Variants in WDR19 observed in about 807,000 individuals in gnomAD.
WDR19 encodes the protein WD repeat-containing protein 19.
In WDR19, 121 loss-of-function variants were observed where a neutral mutation model predicts 180.0. The observed-to-expected ratio is 0.67, with a 90% confidence interval of 0.58 to 0.78. The LOEUF (loss-of-function observed/expected upper bound fraction) is 0.78, where lower values mean the gene tolerates loss of function less well. Among genes scored for constraint, WDR19 ranks in the 30% least tolerant of loss-of-function variants. The pLI is 0.00. For synonymous variants in WDR19, 497 were observed against 540.7 expected, an observed-to-expected ratio of 0.92 and a Z score of 1.12; for missense variants, 1,450 against 1,640.7, an observed-to-expected ratio of 0.88 and a Z score of 2.01.
chr4:39,261,938 A>AT (rs11374244), intron 28 of WDR19, among the ~76,000 whole-genome samples: 147,920 of 152,082 alleles, frequency 0.97, 72,058 homozygotes, highest in Middle Eastern at 1. Flanking sequence ...TTACTACTGG[A>AT]TTTTTTTTCA....
At chr4:39,212,461 A>G (rs146596972) in intron 9 of WDR19, among the ~76,000 whole-genome samples, 1 of 152,312 alleles carries the variant, frequency 6.6e-6, no homozygotes, top group Non-Finnish European at 1.5e-5. Context: ...GATTTCATCA[A>G]AATTTAAAAC....
At position 39,231,787 on chromosome 4, in the gene WDR19, T is replaced by C; in HGVS notation, c.1983-10T>C. ...AACATTCTGATTAAGCTTATGTTCT[T>C]ACATCCCAGGTTTTCTGATGCTTGG... On this transcript the variant is annotated splice_polypyrimidine_tract_variant and intron_variant, in intron 17 of 36. Transcript: ENST00000399820. 1 of 1,573,622 alleles carries C rather than the reference T, an allele frequency of 6.4e-7. No homozygotes were observed. Among genetic ancestry groups the C allele is most frequent in the South Asian group, 1.2e-5 (1 of 85,994 alleles).
intron 26 of WDR19, among the ~76,000 whole-genome samples, chr4:39,255,527 C>T (rs1244486110): frequency 5.3e-5 from 8 of 152,034 alleles, no homozygotes; most frequent in Non-Finnish European, 1.0e-4. Context: ...TGTCATCTTC[C>T]CTACTTGTCT....
At chr4:39,189,928 C>A in intron 4 of WDR19, 147 bp downstream of exon 4, 2 of 1,016,552 alleles carry the variant, frequency 2.0e-6, no homozygotes, top group Admixed American at 3.5e-5. Context: ...TATTGTTACC[C>A]AATTAGAATG....
intron 5 of WDR19, among the ~76,000 whole-genome samples, chr4:39,199,124 C>A (rs1727107944): frequency 6.6e-6 from 1 of 152,108 alleles, no homozygotes; most frequent in African/African-American, 2.4e-5. Flanking sequence ...TGAGATCACA[C>A]CACTGCACTC....
chr4:39,226,377 G>A (rs1414330378), intron 15 of WDR19, among the ~76,000 whole-genome samples: 2 of 152,188 alleles, frequency 1.3e-5, no homozygotes, highest in African/African-American at 4.8e-5. Context: ...GACAGTTCTA[G>A]TACCTACTTT....
At position 39,252,192 on chromosome 4, in the gene WDR19, G is replaced by A. The variant is rs1361718755; in HGVS notation, c.2730-954G>A. ...ACTATGCAGCCATAAAAAATGATGA[G>A]TTCATGTCCTTTGTAGGGACATGGA... On this transcript the variant is annotated intron_variant, in intron 24 of 36. Coordinates refer to ENST00000399820, the MANE Select transcript of WDR19 (RefSeq NM_025132.4). Among the ~76,000 whole-genome samples, 4 of 151,940 alleles carry A rather than the reference G, an allele frequency of 2.6e-5. No individual in the cohort carries two copies. In the East Asian group the frequency reaches 7.7e-4, roughly 29 times the overall value.
intron 9 of WDR19, among the ~76,000 whole-genome samples, chr4:39,212,297 G>A (rs895650331): frequency 2.6e-5 from 4 of 151,944 alleles, no homozygotes; most frequent in Admixed American, 6.6e-5. Flanking sequence ...AAAAATTTTC[G>A]ACACAAACCT....
At chr4:39,260,330 T>A (rs2109463086) in intron 28 of WDR19, among the ~76,000 whole-genome samples, 1 of 121,552 alleles carries the variant, frequency 8.2e-6, no homozygotes, top group African/African-American at 3.1e-5. Flanking sequence ...GCCACATCTT[T>A]TTTTTTTTTC....
At chr4:39,278,517 T>A (rs1324893055) in intron 35 of WDR19, 22 bp from the exon 36 acceptor site, 5 of 1,574,082 alleles carry the variant, frequency 3.2e-6, no homozygotes, top group Non-Finnish European at 4.3e-6. Flanking sequence ...TAATTTACTC[T>A]GCCTTTCCCT....
chr4:39,204,171 C>A (rs1359090579), intron 7 of WDR19, among the ~76,000 whole-genome samples: 2 of 151,860 alleles, frequency 1.3e-5, no homozygotes, highest in Non-Finnish European at 2.9e-5. Flanking sequence ...CCGCAACCTC[C>A]ACCTCCTAGG....
chr4:39,238,415 A>G (rs931429958), intron 20 of WDR19, among the ~76,000 whole-genome samples: 6 of 152,260 alleles, frequency 3.9e-5, no homozygotes, highest in African/African-American at 1.4e-4. Flanking sequence ...GCTAAAAACA[A>G]CATAAAAATA....
chr4:39,234,854 A>G lies in WDR19; in HGVS notation c.2342A>G (p.Tyr781Cys). 6.4e-7 allele frequency: 1 copy of G among 1,566,900 alleles called. No individual in the cohort carries two copies. The highest frequency in any genetic ancestry group is 8.7e-7 in the Non-Finnish European group (1 of 1,154,536). The change falls in exon 20 of 37, where the codon TAT becomes TGT. Residue 781 changes from tyrosine (Y) to cysteine (C), a missense_variant. Physicochemically the swap from Tyr to Cys is radical, Grantham distance 194 (BLOSUM62 -2). Coordinates refer to ENST00000399820, the MANE Select transcript of WDR19 (RefSeq NM_025132.4). Reference sequence around the variant, plus strand: ...CAGATACCTTTTATATCAAAAGAATATGCTATTCAGCTTGAATTCGCGTAA... The same window carrying G: ...CAGATACCTTTTATATCAAAAGAATGTGCTATTCAGCTTGAATTCGCGTAA... ...PDQIPFISKE[Y>C]AIQLEFAGDY...
intron 31 of WDR19, 126 bp downstream of exon 31, chr4:39,270,226 AC>A (rs1735218041): frequency 7.7e-7 from 1 of 1,306,286 alleles, no homozygotes; most frequent in Non-Finnish European, 1.1e-6. Flanking sequence ...AAGTAACAAA[AC>A]AAGATACAGA....
At chr4:39,241,909 C>CT (rs1731997746) in intron 21 of WDR19, among the ~76,000 whole-genome samples, 2 of 149,724 alleles carry the variant, frequency 1.3e-5, no homozygotes, top group Non-Finnish European at 3.0e-5. Context: ...TCCAGAAGCT[C>CT]TTCTAAGCAT....
At chr4:39,226,860 T>C (rs1170332231) in intron 15 of WDR19, among the ~76,000 whole-genome samples, 1 of 152,190 alleles carries the variant, frequency 6.6e-6, no homozygotes, top group East Asian at 1.9e-4. Flanking sequence ...TATATTTAAT[T>C]TAACCCTTGA....
rs753812144 is a variant in WDR19 at position 39,253,158 on chromosome 4, T to C, written c.2742T>C (p.Ala914=). 39 of 1,596,190 alleles carry C rather than the reference T, an allele frequency of 2.4e-5. No homozygotes were observed. The highest frequency in any genetic ancestry group is 4.1e-5 in the African/African-American group (3 of 73,904). The change falls in exon 25 of 37, where the codon GCT becomes GCC. Residue 914 remains alanine (A), a synonymous_variant. Transcript: ENST00000399820. ...AKEADGRYKE[A]VVAYENAKQW... The stretch of plus-strand genomic sequence containing the variant: ...TATTTTTTTACAGATACAAAGAAGC[T>C]GTTGTAGCTTATGAAAATGCAAAAC...
chr4:39,257,649 T>A, intron 28 of WDR19, 95 bp downstream of exon 28: 1 of 1,128,258 alleles, frequency 8.9e-7, no homozygotes, highest in Non-Finnish European at 1.3e-6. Context: ...GACCAAACAG[T>A]ATTACAAACC....
intron 21 of WDR19, among the ~76,000 whole-genome samples, chr4:39,242,829 T>C (rs925779808): frequency 2.0e-5 from 3 of 152,096 alleles, no homozygotes; most frequent in Admixed American, 1.3e-4. Context: ...GCCACCACGA[T>C]TGGCTAATTT....
Sources: allele counts gnomAD v4.1 joint callset (sites outside exome capture counted in the v4.1 genomes callset), GRCh38; gene constraint gnomAD v4.1.1; transcripts MANE v1.5; gene names NCBI Gene and HGNC (gene_info 2026-07-23, HGNC 2026-07-21).